Variants in SYCP1 observed in about 807,000 individuals in gnomAD.
The protein encoded by SYCP1 is cancer/testis antigen 8.
A neutral mutation model predicts 153.1 loss-of-function variants in SYCP1; 64 were observed. The observed-to-expected ratio is 0.42, with a 90% CI of 0.34 to 0.51. The LOEUF is 0.51. Among genes scored for constraint, SYCP1 ranks in the 20% least tolerant of loss-of-function variants. The pLI is 0.06. For synonymous variants in SYCP1, 384 were observed against 341.8 expected (o/e 1.12, Z -1.36); for missense variants, 997 against 1,049.0 (o/e 0.95, Z 0.68).
At chr1:114,924,568 G>C (rs561677317) in intron 21 of SYCP1, among the ~76,000 whole-genome samples, 1 of 152,252 alleles carries the variant, frequency 6.6e-6, no homozygotes, top group Admixed American at 6.5e-5. Flanking sequence ...GGGATTAGTG[G>C]AGGACAGGTG....
At chr1:114,886,421 C>A (rs1570701351) in intron 14 of SYCP1, 112 bp downstream of exon 14, 1 of 887,376 alleles carries the variant, frequency 1.1e-6, no homozygotes, top group Non-Finnish European at 1.6e-6. Flanking sequence ...ATTCATATAA[C>A]AACTGTAGTC....
intron 27 of SYCP1, among the ~76,000 whole-genome samples, chr1:114,962,406 T>C (rs1228518821): frequency 6.6e-6 from 1 of 152,224 alleles, no homozygotes; most frequent in Non-Finnish European, 1.5e-5. Flanking sequence ...TTTATCATTA[T>C]GTAATGTCTC....
intron 27 of SYCP1, 112 bp downstream of exon 27, chr1:114,947,432 A>G (rs1315846799): frequency 1.1e-5 from 8 of 743,036 alleles, no homozygotes; most frequent in Admixed American, 5.8e-5. Flanking sequence ...TAACGGGATG[A>G]GAAAATAATT....
chr1:114,973,597 C>T (rs1043074208), intron 27 of SYCP1, among the ~76,000 whole-genome samples: 6 of 151,990 alleles, frequency 3.9e-5, no homozygotes, highest in Non-Finnish European at 8.8e-5. Flanking sequence ...TTGTGGCTCT[C>T]TTACTGAGCC....
intron 18 of SYCP1, 124 bp downstream of exon 18, chr1:114,911,706 C>G: frequency 2.5e-6 from 1 of 398,210 alleles, no homozygotes. Flanking sequence ...GTATTTTACT[C>G]TTAAGGATCT....
chr1:114,936,825 A>G (rs2101788469), intron 23 of SYCP1, among the ~76,000 whole-genome samples: 1 of 152,340 alleles, frequency 6.6e-6, no homozygotes, highest in South Asian at 2.1e-4. Flanking sequence ...ATACCTAGGA[A>G]TCCAACTTAC....
At chr1:114,901,598 A>G (rs1310928342) in intron 16 of SYCP1, among the ~76,000 whole-genome samples, 4 of 152,204 alleles carry the variant, frequency 2.6e-5, no homozygotes, top group Non-Finnish European at 5.9e-5. Flanking sequence ...CAAAGGCTAG[A>G]ATAAAACATT....
At chr1:114,927,074 T>G (rs1472774762) in intron 23 of SYCP1, among the ~76,000 whole-genome samples, 1 of 152,074 alleles carries the variant, frequency 6.6e-6, no homozygotes, top group Admixed American at 6.6e-5. Flanking sequence ...CAATAAATAG[T>G]TTTTGAATTA....
At chr1:114,904,518 G>A (rs923186151) in intron 16 of SYCP1, among the ~76,000 whole-genome samples, 7 of 152,114 alleles carry the variant, frequency 4.6e-5, no homozygotes, top group South Asian at 2.1e-4. Flanking sequence ...TCATTAGTAC[G>A]TTGAATCTTC....
chr1:114,948,380 G>C (rs868218657), intron 27 of SYCP1, among the ~76,000 whole-genome samples: 1 of 152,134 alleles, frequency 6.6e-6, no homozygotes, highest in Non-Finnish European at 1.5e-5. Flanking sequence ...CGTAGTAAGA[G>C]AGCAGAATGA....
Position 114,926,118 on chromosome 1 carries a change from T to G in SYCP1, c.1801-160T>G, listed in dbSNP as rs577724192. Among the ~76,000 whole-genome samples the G allele has an allele frequency of 2.0e-5, 3 of 152,214 alleles. No individual in the cohort carries two copies. The East Asian group carries it at 5.8e-4, about 29-fold the overall frequency. On this transcript the variant is annotated intron_variant, in intron 21 of 31. Transcript: ENST00000369522. ...TGCATTTGTATTTAGATGATCTTTATTGAAATTTGTGATTTTAGTATAATT... is the reference window on the plus strand; with the variant it reads ...TGCATTTGTATTTAGATGATCTTTAGTGAAATTTGTGATTTTAGTATAATT...
chr1:114,977,453 C>T lies in SYCP1; in HGVS notation c.2323-104C>T, dbSNP rs184548369. 175 of 679,096 alleles carry T rather than the reference C, an allele frequency of 2.6e-4. 2 individuals carry two copies. The Admixed American group carries it at 5.7e-3, about 22-fold the overall frequency. The allele number at this position is 679,096 out of a possible 1,614,324, so 42.1% of individuals were successfully genotyped here. On this transcript the variant is annotated intron_variant, in intron 27 of 31. Coordinates refer to ENST00000369522, the MANE Select transcript of SYCP1 (RefSeq NM_003176.4). ...TATTACTTTATAAGATTGAGAGGTT[C>T]GTCATCTTTCTTTGTTAATACTTAC...
chr1:114,938,671 G>C (rs1310399505), intron 23 of SYCP1, among the ~76,000 whole-genome samples: 1 of 151,952 alleles, frequency 6.6e-6, no homozygotes, highest in African/African-American at 2.4e-5. Flanking sequence ...GTTTAGAACT[G>C]GTATTATTTT....
intron 23 of SYCP1, among the ~76,000 whole-genome samples, chr1:114,937,044 C>T (rs1670058758): frequency 6.6e-6 from 1 of 152,162 alleles, no homozygotes; most frequent in Non-Finnish European, 1.5e-5. Context: ...GAAAAAACTC[C>T]TTTAAAGTTC....
At chr1:114,958,879 GA>G (rs1671607816) in intron 27 of SYCP1, among the ~76,000 whole-genome samples, 2 of 148,516 alleles carry the variant, frequency 1.3e-5, no homozygotes, top group Non-Finnish European at 3.0e-5. Context: ...GCAGTGAGCC[GA>G]GATTGTGCCA....
intron 11 of SYCP1, among the ~76,000 whole-genome samples, chr1:114,877,696 A>T (rs1665634119): frequency 6.6e-6 from 1 of 152,086 alleles, no homozygotes; most frequent in Admixed American, 6.5e-5. Flanking sequence ...TATTTGTAAC[A>T]CTTTTTTTGC....
At chr1:114,958,976 T>C (rs1338836561) in intron 27 of SYCP1, among the ~76,000 whole-genome samples, 1 of 151,894 alleles carries the variant, frequency 6.6e-6, no homozygotes, top group Admixed American at 6.6e-5. Context: ...ATGTTCTTTA[T>C]ATGATGTACT....
At chr1:114,993,778 G>A (rs1434970011) in intron 30 of SYCP1, among the ~76,000 whole-genome samples, 3 of 151,438 alleles carry the variant, frequency 2.0e-5, no homozygotes, top group South Asian at 4.2e-4. Flanking sequence ...ATAGTTCAAT[G>A]TTATTAAATA....
intron 27 of SYCP1, among the ~76,000 whole-genome samples, chr1:114,948,242 G>A (rs925677171): frequency 4.0e-5 from 6 of 151,548 alleles, no homozygotes; most frequent in Non-Finnish European, 7.4e-5. Flanking sequence ...ATTTTTTTTG[G>A]TTTCTATGAG....
Sources: allele counts gnomAD v4.1 joint callset (sites outside exome capture counted in the v4.1 genomes callset), GRCh38; gene constraint gnomAD v4.1.1; transcripts MANE v1.5; gene names NCBI Gene and HGNC (gene_info 2026-07-23, HGNC 2026-07-21).